ANKRD11: variants seen among roughly 807,000 people sequenced by gnomAD.
ANKRD11 encodes ankyrin repeat domain-containing protein 11.
Under a neutral mutation model 195.7 loss-of-function variants are expected in ANKRD11, and 17 were observed. That is an observed-to-expected ratio of 0.09 (90% CI 0.06 to 0.13). The LOEUF is 0.13. Among genes scored for constraint, ANKRD11 ranks in the 10% least tolerant of loss-of-function variants. ANKRD11 has a pLI of 1.00. For synonymous variants in ANKRD11, 1,953 were observed against 1,528.1 expected (o/e 1.28, Z -6.49); for missense variants, 3,735 against 3,566.1 (o/e 1.05, Z -1.21).
chr16:89,355,865 G>A (rs998283510), intron 2 of ANKRD11, among the ~76,000 whole-genome samples: 6 of 152,294 alleles, frequency 3.9e-5, no homozygotes, highest in Non-Finnish European at 4.4e-5. Flanking sequence ...CAGAGTGACC[G>A]ATGAGATAAA....
At chr16:89,487,595 G>A (rs557084085) in intron 1 of ANKRD11, among the ~76,000 whole-genome samples, 2 of 152,176 alleles carry the variant, frequency 1.3e-5, no homozygotes, top group East Asian at 3.9e-4. Flanking sequence ...CCAACATGGT[G>A]AAACCCCATC....
Position 89,284,844 on chromosome 16 carries a change from T to A in ANKRD11, c.1698A>T (p.Ser566=). ...SPAWSEVSSL[S]DSTRTRLTSE... is the part of the protein sequence containing the mutation. Reference sequence around the variant, plus strand: ...TTGTCAGTCTCGTCCTTGTGGAGTCTGATAAAGAACTGACCTCTGACCAAG... The same window carrying A: ...TTGTCAGTCTCGTCCTTGTGGAGTCAGATAAAGAACTGACCTCTGACCAAG... The change falls in exon 9 of 13, where the codon TCA becomes TCT. Residue 566 remains serine (S), a synonymous_variant. Coordinates refer to ENST00000301030, the MANE Select transcript of ANKRD11 (RefSeq NM_013275.6). 6.2e-7 allele frequency: 1 copy of A among 1,614,016 alleles called. No homozygotes were observed. Among genetic ancestry groups the A allele is most frequent in the Non-Finnish European group, 8.5e-7 (1 of 1,180,030 alleles).
intron 1 of ANKRD11, among the ~76,000 whole-genome samples, chr16:89,438,277 G>A (rs1361352656): frequency 6.6e-6 from 1 of 152,104 alleles, no homozygotes. Context: ...AGTACAAAAT[G>A]TGCAGAAGGC....
chr16:89,462,331 G>A (rs78412351), intron 1 of ANKRD11, among the ~76,000 whole-genome samples: 3 of 152,190 alleles, frequency 2.0e-5, no homozygotes, highest in Admixed American at 1.3e-4. Context: ...TCGGCCTCCC[G>A]AGGTGCCGGG....
At position 89,441,779 on chromosome 16, in the gene ANKRD11, A is replaced by AAAAAAAC. The variant is rs1567811068; in HGVS notation, c.-144-23412_-144-23411insGTTTTTT. 6.5e-5 allele frequency among the ~76,000 whole-genome samples: 7 copies of AAAAAAAC among 107,736 alleles called. 1 individual carries two copies. In the East Asian group the frequency reaches 8.4e-4, roughly 13 times the overall value. 70.7% of individuals were successfully genotyped at this position (107,736 alleles called of 152,430 possible). A position where few individuals can be genotyped will look rare whatever the true frequency, so the allele number is the denominator to read the frequency against. On this transcript the variant is annotated intron_variant, in intron 1 of 12. Coordinates refer to ENST00000301030, the MANE Select transcript of ANKRD11 (RefSeq NM_013275.6). ...GAGACTCCGCCTACAAAAAAAAAAA[A>AAAAAAAC]AAAAAAAAAAAAAACGCAAACCTGA... is the stretch of plus-strand genomic sequence containing the variant.
At chr16:89,365,398 G>T (rs1427996183) in intron 2 of ANKRD11, among the ~76,000 whole-genome samples, 1 of 152,154 alleles carries the variant, frequency 6.6e-6, no homozygotes, top group East Asian at 1.9e-4. Flanking sequence ...AGACATCCTT[G>T]GCCACACAAG....
At chr16:89,383,690 C>G (rs902688487) in intron 2 of ANKRD11, among the ~76,000 whole-genome samples, 1 of 150,898 alleles carries the variant, frequency 6.6e-6, no homozygotes, top group Non-Finnish European at 1.5e-5. Flanking sequence ...AGCAGACGTC[C>G]AGCCCCTGCC....
intron 2 of ANKRD11, among the ~76,000 whole-genome samples, chr16:89,395,264 G>A (rs1193285867): frequency 1.3e-5 from 2 of 152,224 alleles, no homozygotes; most frequent in African/African-American, 2.4e-5. Flanking sequence ...CCAGGGAAGG[G>A]CTGCGTACTG....
rs1018271681 is a variant in ANKRD11 at position 89,313,553 on chromosome 16, G to A, written c.87+3380C>T. 7.8e-6 allele frequency: 10 copies of A among 1,289,018 alleles called. No individual in the cohort carries two copies. The Admixed American group carries it at 9.2e-5, about 12-fold the overall frequency. 79.8% of individuals were successfully genotyped at this position (1,289,018 alleles called of 1,614,324 possible). On this transcript the variant is annotated intron_variant, in intron 3 of 12. Transcript: ENST00000301030. ...TGTGGGCTCCATTTCCATCTTCCAC[G>A]TATATGTCACTGAGATCACGATTCT...
At chr16:89,287,059 G>A in intron 7 of ANKRD11, 3 of 1,289,838 alleles carry the variant, frequency 2.3e-6, no homozygotes, top group Non-Finnish European at 3.0e-6. Context: ...AATTGTGGAG[G>A]TCAGAGGTCA....
chr16:89,286,453 C>T, intron 7 of ANKRD11: 1 of 591,538 alleles, frequency 1.7e-6, no homozygotes, highest in South Asian at 2.0e-5. Flanking sequence ...AGGGCTCTGC[C>T]TCCTTTGGAT....
At chr16:89,329,068 G>A (rs1175773443) in intron 2 of ANKRD11, 6 of 152,966 alleles carry the variant, frequency 3.9e-5, no homozygotes, top group African/African-American at 1.5e-4. Flanking sequence ...GCGAATCAGC[G>A]GAGGCCCCTG....
chr16:89,317,572 C>G (rs143142794), intron 2 of ANKRD11, among the ~76,000 whole-genome samples: 5 of 152,270 alleles, frequency 3.3e-5, no homozygotes, highest in African/African-American at 7.2e-5. Context: ...CCTGTCCCCA[C>G]CAGGCCTGTG....
chr16:89,456,338 C>T (rs890645169), intron 1 of ANKRD11, among the ~76,000 whole-genome samples: 3 of 151,684 alleles, frequency 2.0e-5, no homozygotes, highest in African/African-American at 7.3e-5. Flanking sequence ...CACTTGAGGT[C>T]AGGAGTTCGA....
rs1327941404 is a variant in ANKRD11 at position 89,320,295 on chromosome 16, G to C, written c.-59-3217C>G. The C allele has an allele frequency of 3.9e-5, 6 of 152,374 alleles. No individual in the cohort carries two copies. In the East Asian group the frequency reaches 1.2e-3, roughly 29 times the overall value. The allele number at this position is 152,374 out of a possible 1,614,324, so 9.4% of individuals were successfully genotyped here. On this transcript the variant is annotated intron_variant, in intron 2 of 12. Transcript: ENST00000301030. The stretch of plus-strand genomic sequence containing the variant: ...CACTCCCGGGGGAGACTCTTCCCTG[G>C]AAGGTGACTTGGCTGTCCCTGCCTA...
In ANKRD11 at chr16:89,283,496, C is replaced by T. The variant is rs141871215; in HGVS notation, c.3046G>A (p.Asp1016Asn). The T allele has an allele frequency of 1.6e-5, 26 of 1,613,928 alleles. No individual in the cohort carries two copies. The highest frequency in any genetic ancestry group is 1.5e-4 in the African/African-American group (11 of 74,946). The change falls in exon 9 of 13, where the codon GAT becomes AAT. Residue 1016 changes from aspartate (D) to asparagine (N), a missense_variant. By Grantham distance (23) the Asp-to-Asn change is conservative. Coordinates refer to ENST00000301030, the MANE Select transcript of ANKRD11 (RefSeq NM_013275.6). This position sits in a 1 kb window ranked among gnomAD's most constrained non-coding sequence, Gnocchi z 4.3. The stretch of plus-strand genomic sequence containing the variant: ...TTTGTCTTCTCCTTCCTTTCCTTAT[C>T]GGGGCCATCCTTCTTCTCCTTCTCT... The part of the protein sequence containing the change: ...AREKEKKDGP[D>N]KERKEKTKPE...
chr16:89,276,957 G>C (rs2033706759), intron 9 of ANKRD11, among the ~76,000 whole-genome samples: 3 of 151,802 alleles, frequency 2.0e-5, no homozygotes, highest in African/African-American at 7.3e-5. Context: ...TCAGGAGGCT[G>C]AGGCAGGAGA....
intron 2 of ANKRD11, among the ~76,000 whole-genome samples, chr16:89,362,133 T>C (rs561977734): frequency 7.2e-5 from 11 of 152,378 alleles, no homozygotes; most frequent in African/African-American, 2.6e-4. Context: ...CAATCTGACA[T>C]GTGGCTTAAC....
At chr16:89,480,110 C>CAA (rs532629752) in intron 1 of ANKRD11, among the ~76,000 whole-genome samples, 2 of 142,180 alleles carry the variant, frequency 1.4e-5, no homozygotes, top group African/African-American at 5.2e-5. Flanking sequence ...GACTCAGTCT[C>CAA]AAAAAAAAAA....
Sources: allele counts gnomAD v4.1 joint callset (sites outside exome capture counted in the v4.1 genomes callset), GRCh38; gene constraint gnomAD v4.1.1; non-coding constraint Gnocchi (gnomAD v3.1); transcripts MANE v1.5; gene names NCBI Gene and HGNC (gene_info 2026-07-23, HGNC 2026-07-21).